ROBO2: variants seen among roughly 807,000 people sequenced by gnomAD.
ROBO2 encodes the protein roundabout homolog 2.
In ROBO2, 53 loss-of-function variants were observed where a neutral mutation model predicts 160.8. The observed-to-expected ratio is 0.33, with a 90% CI of 0.26 to 0.41. The LOEUF is 0.41. Ranked by LOEUF, ROBO2 falls within the 10% of genes least tolerant of loss-of-function variation. The pLI, the probability that ROBO2 is intolerant of heterozygous loss-of-function variation, is 1.00. For missense variants in ROBO2, 1,577 were observed against 1,722.4 expected, an observed-to-expected ratio of 0.92 and a Z score of 1.49; for synonymous variants, 664 against 611.7, an observed-to-expected ratio of 1.09 and a Z score of -1.26.
intron 1 of ROBO2, among the ~76,000 whole-genome samples, chr3:77,041,163 G>A (rs180966350): frequency 5.3e-5 from 8 of 152,340 alleles, no homozygotes; most frequent in Admixed American, 5.2e-4. Context: ...TCTCCTGCAA[G>A]AGCCTAATAC....
chr3:77,477,839 T>C (rs1012667755), intron 3 of ROBO2, among the ~76,000 whole-genome samples: 4 of 141,780 alleles, frequency 2.8e-5, no homozygotes, highest in African/African-American at 2.6e-5. Flanking sequence ...TCTTTTTTTT[T>C]TTTTTTTTTT....
intron 2 of ROBO2, among the ~76,000 whole-genome samples, chr3:76,266,722 A>C (rs1376050798): frequency 6.6e-6 from 1 of 152,140 alleles, no homozygotes; most frequent in Non-Finnish European, 1.5e-5. Flanking sequence ...CAAGTCTATG[A>C]TGCTGCCATC....
chr3:77,021,822 CT>C (rs1679769974), intron 2 of ROBO2, among the ~76,000 whole-genome samples: 1 of 152,156 alleles, frequency 6.6e-6, no homozygotes, highest in African/African-American at 2.4e-5. Flanking sequence ...CTCCCTCTGT[CT>C]TGTGCACTTG....
At chr3:76,556,997 T>G (rs756440687) in intron 2 of ROBO2, among the ~76,000 whole-genome samples, 4 of 152,126 alleles carry the variant, frequency 2.6e-5, no homozygotes, top group Non-Finnish European at 5.9e-5. Context: ...GGACTAAAGA[T>G]GAACATTTAG....
chr3:76,311,796 C>G (rs140164281), intron 2 of ROBO2, among the ~76,000 whole-genome samples: 6,278 of 152,158 alleles, frequency 0.041, 365 homozygotes, highest in African/African-American at 0.12. Flanking sequence ...GTGAACTGAT[C>G]AGAGGGATGT....
At chr3:77,588,565 C>T (rs142888356) in intron 16 of ROBO2, among the ~76,000 whole-genome samples, 186 bp from the exon 18 acceptor site, 61 of 152,206 alleles carry the variant, frequency 4.0e-4, no homozygotes, top group Admixed American at 1.3e-3. Flanking sequence ...ATCACATTTG[C>T]AAACTCACGA....
chr3:77,237,409 T>TGTGTG (rs766161627), intron 2 of ROBO2, among the ~76,000 whole-genome samples: 1 of 39,794 alleles, frequency 2.5e-5, no homozygotes, highest in Non-Finnish European at 8.2e-5. Context: ...TTTTGTTTTG[T>TGTGTG]TTTGTGTGTG....
At position 76,254,317 on chromosome 3, in the gene ROBO2, A is replaced by T. The variant is rs551513170; in HGVS notation, c.109+316715A>T. 2.6e-5 allele frequency among the ~76,000 whole-genome samples: 4 copies of T among 152,208 alleles called. No individual in the cohort carries two copies. In the South Asian group the frequency reaches 8.3e-4, roughly 32 times the overall value. On this transcript the variant is annotated intron_variant, in intron 2 of 26. Transcript: ENST00000487694. ...CATCACATCCATAGATAAGACTATT[A>T]ATTGTCACTAAATAATGTCTTAAGT...
intron 2 of ROBO2, among the ~76,000 whole-genome samples, chr3:76,428,669 A>C (rs2076315954): frequency 6.6e-6 from 1 of 152,214 alleles, no homozygotes; most frequent in Admixed American, 6.5e-5. Context: ...ATAAAACTTC[A>C]GATAAACTAA....
intron 2 of ROBO2, among the ~76,000 whole-genome samples, chr3:77,160,624 A>T (rs1324589392): frequency 1.3e-5 from 2 of 152,190 alleles, no homozygotes; most frequent in Non-Finnish European, 2.9e-5. Context: ...ACATTTCAGT[A>T]ACTGTGGCGA....
chr3:77,211,513 A>G (rs1203747755), intron 2 of ROBO2, among the ~76,000 whole-genome samples: 1 of 151,912 alleles, frequency 6.6e-6, no homozygotes, highest in Non-Finnish European at 1.5e-5. Context: ...AGATTGCAAA[A>G]TTTTTCTCCC....
intron 2 of ROBO2, among the ~76,000 whole-genome samples, chr3:76,629,942 G>T (rs1409952455): frequency 1.3e-5 from 2 of 152,088 alleles, no homozygotes; most frequent in Admixed American, 6.6e-5. Context: ...CATGCTTGCT[G>T]TGCCTCCATT....
At chr3:75,965,881 A>C (rs1949091752) in intron 2 of ROBO2, among the ~76,000 whole-genome samples, 1 of 151,738 alleles carries the variant, frequency 6.6e-6, no homozygotes, top group Non-Finnish European at 1.5e-5. Context: ...TTAATATATT[A>C]AAGTATCTTA....
chr3:76,537,101 G>A (rs2082547458), intron 2 of ROBO2, among the ~76,000 whole-genome samples: 1 of 151,974 alleles, frequency 6.6e-6, no homozygotes. Flanking sequence ...AGGGGAGAGA[G>A]GTCAGAGGGG....
intron 2 of ROBO2, among the ~76,000 whole-genome samples, chr3:77,272,267 T>C (rs1413385399): frequency 2.0e-5 from 3 of 152,126 alleles, no homozygotes; most frequent in Non-Finnish European, 4.4e-5. Flanking sequence ...ATTGGGTAAT[T>C]CATAAAGAAA....
At chr3:75,939,778 A>G (rs1576226209) in intron 2 of ROBO2, among the ~76,000 whole-genome samples, 1 of 152,154 alleles carries the variant, frequency 6.6e-6, no homozygotes, top group African/African-American at 2.4e-5. Flanking sequence ...CTTTTATGCA[A>G]TTAAGCAGAA....
intron 2 of ROBO2, among the ~76,000 whole-genome samples, chr3:76,641,507 G>A (rs1321649396): frequency 6.6e-6 from 1 of 152,036 alleles, no homozygotes; most frequent in East Asian, 1.9e-4. Flanking sequence ...TGAAGGACAA[G>A]GAAGGACTGA....
intron 1 of ROBO2, among the ~76,000 whole-genome samples, chr3:75,915,726 G>A (rs1218649252): frequency 6.6e-6 from 1 of 152,120 alleles, no homozygotes; most frequent in Admixed American, 6.6e-5. Flanking sequence ...ATACATCAAT[G>A]GTGTAGAGAG....
At chr3:76,396,991 A>G (rs1038251722) in intron 2 of ROBO2, among the ~76,000 whole-genome samples, 1 of 152,170 alleles carries the variant, frequency 6.6e-6, no homozygotes, top group African/African-American at 2.4e-5. Flanking sequence ...TTCATATGGA[A>G]CCAAAAAAGA....
Sources: allele counts gnomAD v4.1 joint callset (sites outside exome capture counted in the v4.1 genomes callset), GRCh38; gene constraint gnomAD v4.1.1; transcripts MANE v1.5; gene names NCBI Gene and HGNC (gene_info 2026-07-23, HGNC 2026-07-21).